Variants in SLC36A1 observed in about 807,000 individuals in gnomAD.
SLC36A1 encodes the protein proton-coupled amino acid transporter 1.
A neutral mutation model predicts 47.5 loss-of-function variants in SLC36A1; 30 were observed. That is an observed-to-expected ratio of 0.63 (90% CI 0.47 to 0.86). The LOEUF is 0.86. Among genes scored for constraint, SLC36A1 ranks in the 40% least tolerant of loss-of-function variants. The pLI is 0.00. For synonymous variants in SLC36A1, 255 were observed against 249.7 expected (o/e 1.02, Z -0.20); for missense variants, 517 against 606.0 (o/e 0.85, Z 1.54).
chr5:151,345,174 C>G, the SLC36A1 span, among the ~76,000 whole-genome samples: 3 of 152,300 alleles, frequency 2.0e-5, no homozygotes, highest in South Asian at 6.2e-4. Flanking sequence ...TGTACCTGTA[C>G]CAGGTTAAGT....
chr5:151,437,575 C>T (rs1007152310), intron 1 of SLC36A1, among the ~76,000 whole-genome samples: 1 of 152,120 alleles, frequency 6.6e-6, no homozygotes, highest in Non-Finnish European at 1.5e-5. Flanking sequence ...TGATATTTCT[C>T]AATTGATCAA....
chr5:151,542,721 A>T, the SLC36A1 span: 1 of 1,614,232 alleles, frequency 6.2e-7, no homozygotes, highest in South Asian at 1.1e-5. Context: ...GGACAGCCTT[A>T]TATGGATCAG....
chr5:151,512,190 C>G, the SLC36A1 span: 3 of 1,613,922 alleles, frequency 1.9e-6, no homozygotes, highest in African/African-American at 4.0e-5. The surrounding 1 kb of genome is among the most constrained non-coding windows in gnomAD (Gnocchi z 4.1). Context: ...ATGAGCACTT[C>G]CCACCATTGA....
the SLC36A1 span, chr5:151,537,714 A>G: frequency 7.1e-7 from 1 of 1,402,366 alleles, no homozygotes; most frequent in Non-Finnish European, 9.7e-7. Context: ...TTTCTTCTCC[A>G]AGGAGAATAC....
At chr5:151,443,315 T>A (rs1229890527), upstream of SLC36A1, among the ~76,000 whole-genome samples, 1 of 152,192 alleles carries the variant, frequency 6.6e-6, no homozygotes, top group African/African-American at 2.4e-5. Flanking sequence ...TTTCTCGACA[T>A]CCTCACCAAT....
chr5:151,398,323 C>T, the SLC36A1 span, among the ~76,000 whole-genome samples: 10 of 152,268 alleles, frequency 6.6e-5, no homozygotes, highest in South Asian at 1.0e-3. Context: ...TCTGTTTCTA[C>T]GCTCAGTCCA....
At chr5:151,529,577 AT>A in the SLC36A1 span, among the ~76,000 whole-genome samples, 24,484 of 151,388 alleles carry the variant, frequency 0.16, 2,252 homozygotes, top group Non-Finnish European at 0.2. Context: ...CATCTCCCTC[AT>A]TTTTCTTTAT....
chr5:151,366,702 G>C, the SLC36A1 span: 2 of 155,720 alleles, frequency 1.3e-5, no homozygotes, highest in Non-Finnish European at 2.8e-5. Flanking sequence ...GCCCCAGAGG[G>C]GAACACACTT....
At chr5:151,407,809 A>G in the SLC36A1 span, among the ~76,000 whole-genome samples, 1 of 152,228 alleles carries the variant, frequency 6.6e-6, no homozygotes, top group Admixed American at 6.5e-5. Context: ...ATGCTTAGGA[A>G]AGGAGAAGGA....
the SLC36A1 span, among the ~76,000 whole-genome samples, chr5:151,539,756 T>C: frequency 6.6e-6 from 1 of 152,366 alleles, no homozygotes; most frequent in Admixed American, 6.5e-5. Context: ...ACAGCAATTG[T>C]TGGTTTATGC....
At chr5:151,480,693 A>G (rs1413763880) in intron 10 of SLC36A1, among the ~76,000 whole-genome samples, 1 of 152,304 alleles carries the variant, frequency 6.6e-6, no homozygotes, top group South Asian at 2.1e-4. Flanking sequence ...TTTTAATCCT[A>G]TCTTGTGCCA....
the SLC36A1 span, among the ~76,000 whole-genome samples, chr5:151,357,130 A>G: frequency 6.6e-6 from 1 of 152,352 alleles, no homozygotes; most frequent in Middle Eastern, 3.4e-3. Context: ...GTGTAGTGGT[A>G]GACAACTGGA....
rs1581159964 is a variant in SLC36A1 at position 151,469,804 on chromosome 5, T to C, written c.723+1879T>C. On this transcript the variant is annotated intron_variant, in intron 7 of 10. Transcript: ENST00000243389. ...TATGTATGATATATTAGTATTTATA[T>C]ATAGTATAATTATATTAGTATTATT... Among the ~76,000 whole-genome samples the C allele has an allele frequency of 6.0e-5, 9 of 151,200 alleles. No individual in the cohort carries two copies. In the South Asian group the frequency reaches 1.9e-3, roughly 31 times the overall value.
At chr5:151,363,535 AG>A in the SLC36A1 span, among the ~76,000 whole-genome samples, 1 of 152,136 alleles carries the variant, frequency 6.6e-6, no homozygotes, top group Non-Finnish European at 1.5e-5. Flanking sequence ...GGGAAACTGA[AG>A]CCAGCTTGCT....
the SLC36A1 span, among the ~76,000 whole-genome samples, chr5:151,532,619 C>T: frequency 2.8e-4 from 42 of 152,350 alleles, no homozygotes; most frequent in African/African-American, 9.4e-4. Context: ...TCTATAATTA[C>T]GTCAACATAA....
the SLC36A1 span, chr5:151,382,134 A>C: frequency 5.5e-6 from 5 of 906,522 alleles, no homozygotes; most frequent in Non-Finnish European, 9.2e-6. Context: ...CGACCCTTTC[A>C]AGCACAGTGC....
chr5:151,384,705 G>A, the SLC36A1 span, among the ~76,000 whole-genome samples: 1 of 152,096 alleles, frequency 6.6e-6, no homozygotes, highest in South Asian at 2.1e-4. Context: ...CGGAGATCGG[G>A]CACTCACTAT....
intron 2 of SLC36A1, among the ~76,000 whole-genome samples, chr5:151,460,285 A>G (rs1385061678): frequency 7.5e-6 from 1 of 133,642 alleles, no homozygotes; most frequent in East Asian, 3.4e-4. Context: ...TTTTGATCTC[A>G]GATATCAACT....
At chr5:151,520,109 A>G in the SLC36A1 span, among the ~76,000 whole-genome samples, 1 of 152,238 alleles carries the variant, frequency 6.6e-6, no homozygotes, top group African/African-American at 2.4e-5. Flanking sequence ...CCCAGCCTAA[A>G]TCGAGTGGTC....
Sources: gnomAD v4.1 joint callset for allele counts (sites outside exome capture counted in the v4.1 genomes callset) on GRCh38, gnomAD v4.1.1 for gene constraint, Gnocchi (gnomAD v3.1) non-coding constraint, MANE v1.5 for transcripts, NCBI Gene and HGNC (gene_info 2026-07-23, HGNC 2026-07-21) for gene names.